The following LRBA variants were observed in gnomAD, a reference collection of about 807,000 sequenced individuals.
LRBA encodes lipopolysaccharide-responsive and beige-like anchor protein.
LRBA carries 176 observed loss-of-function variants against 330.0 expected under a neutral mutation model. The ratio of observed to expected loss-of-function variants is 0.53; its 90% confidence interval spans 0.47 to 0.60. LRBA has a LOEUF of 0.60. LRBA is among the 20% of genes least tolerant of loss of function. LRBA has a pLI of 0.00. For missense variants in LRBA, 3,259 were observed against 3,444.8 expected, an observed-to-expected ratio of 0.95 and a Z score of 1.35; for synonymous variants, 1,230 against 1,193.0, an observed-to-expected ratio of 1.03 and a Z score of -0.64.
intron 4 of LRBA, among the ~76,000 whole-genome samples, chr4:150,926,997 G>A (rs143948022): frequency 6.6e-6 from 1 of 151,798 alleles, no homozygotes; most frequent in Admixed American, 6.6e-5. Context: ...CTTGAACCCA[G>A]GAGGTGGAGG....
chr4:151,007,871 A>G (rs938968555), intron 2 of LRBA, among the ~76,000 whole-genome samples: 4 of 151,774 alleles, frequency 2.6e-5, no homozygotes, highest in Non-Finnish European at 4.4e-5. Flanking sequence ...AAAAAAAAAA[A>G]AAGAATGTAG....
At chr4:150,329,949 C>A (rs1733773951) in intron 48 of LRBA, among the ~76,000 whole-genome samples, 1 of 152,274 alleles carries the variant, frequency 6.6e-6, no homozygotes, top group Admixed American at 6.5e-5. Context: ...ATTATTATAA[C>A]AGTCTCTTTG....
intron 40 of LRBA, among the ~76,000 whole-genome samples, chr4:150,526,372 C>A (rs906189443): frequency 1.3e-5 from 2 of 152,154 alleles, no homozygotes; most frequent in Admixed American, 1.3e-4. Flanking sequence ...ACCTATGTTT[C>A]CTTGCATTCT....
chr4:150,954,758 T>G (rs1344672792), intron 2 of LRBA, among the ~76,000 whole-genome samples: 2 of 99,050 alleles, frequency 2.0e-5, no homozygotes. Flanking sequence ...CCAAGAATGA[T>G]CAATAAATAC....
intron 36 of LRBA, among the ~76,000 whole-genome samples, chr4:150,722,588 A>G (rs1459478673): frequency 6.6e-6 from 1 of 152,096 alleles, no homozygotes; most frequent in African/African-American, 2.4e-5. Flanking sequence ...CTCAGCCTCC[A>G]TAAGAGAGTG....
chr4:150,822,492 C>T (rs1745583908), intron 30 of LRBA, among the ~76,000 whole-genome samples: 1 of 152,172 alleles, frequency 6.6e-6, no homozygotes, highest in Admixed American at 6.5e-5. Context: ...ATAGACAGGG[C>T]ACAGTGGCTC....
intron 48 of LRBA, among the ~76,000 whole-genome samples, chr4:150,336,012 C>T (rs980797776): frequency 6.6e-6 from 1 of 152,164 alleles, no homozygotes; most frequent in African/African-American, 2.4e-5. Flanking sequence ...CTGTGCTTGG[C>T]CTTTATGAAG....
At chr4:150,825,904 G>T (rs559588635) in intron 30 of LRBA, among the ~76,000 whole-genome samples, 1 of 151,964 alleles carries the variant, frequency 6.6e-6, no homozygotes, top group African/African-American at 2.4e-5. Flanking sequence ...AATTAATCCC[G>T]CATAAGAACT....
At chr4:150,470,505 T>C (rs1403948065) in intron 43 of LRBA, among the ~76,000 whole-genome samples, 2 of 152,138 alleles carry the variant, frequency 1.3e-5, no homozygotes, top group African/African-American at 2.4e-5. Flanking sequence ...TTCCTCTCTA[T>C]GCAGATGAAA....
chr4:150,969,201 C>T (rs578067142), intron 2 of LRBA, among the ~76,000 whole-genome samples: 24 of 152,330 alleles, frequency 1.6e-4, no homozygotes, highest in African/African-American at 5.8e-4. Flanking sequence ...ATCCATTTTG[C>T]AGCCCATAGT....
At chr4:150,658,051 T>C (rs572059952) in intron 37 of LRBA, among the ~76,000 whole-genome samples, 74 of 152,228 alleles carry the variant, frequency 4.9e-4, no homozygotes, top group African/African-American at 1.8e-3. Flanking sequence ...TGTAACAATC[T>C]ATCACATGAA....
At chr4:150,938,222 TA>T (rs1290226893) in intron 2 of LRBA, among the ~76,000 whole-genome samples, 2 of 152,182 alleles carry the variant, frequency 1.3e-5, no homozygotes, top group Admixed American at 1.3e-4. Context: ...TATTTATTTA[TA>T]AAATTAACTA....
chr4:150,553,440 C>T (rs1288855190), intron 40 of LRBA, among the ~76,000 whole-genome samples: 1 of 151,792 alleles, frequency 6.6e-6, no homozygotes, highest in Non-Finnish European at 1.5e-5. Flanking sequence ...ATGTTGTGCA[C>T]ATGTACCCTA....
At chr4:150,558,194 C>T (rs917470218) in intron 40 of LRBA, among the ~76,000 whole-genome samples, 1 of 152,108 alleles carries the variant, frequency 6.6e-6, no homozygotes, top group Non-Finnish European at 1.5e-5. Context: ...CCACAGCGCC[C>T]GGCCCCATAT....
rs1248439608 is a variant in LRBA, at chr4:150,870,604, A to G, written c.2370T>C (p.Ile790=). The G allele has an allele frequency of 1.3e-6, 2 of 1,489,148 alleles. No homozygotes were observed. Among genetic ancestry groups the G allele is most frequent in the Non-Finnish European group, 1.9e-6 (2 of 1,068,246 alleles). The allele number at this position is 1,489,148 out of a possible 1,614,324, so 92.2% of individuals were successfully genotyped here. A position where few individuals can be genotyped will look rare whatever the true frequency, so the allele number is the denominator to read the frequency against. ...CCTGAGTACCAATCTGTTCTATAAG[A>G]ATCTACAGAAGTAAAACAATGGATT... ...TMTTYNVLFE[I]LIEQIGTQVI... The change falls in exon 20 of 57, where the codon ATT becomes ATC. Residue 790 remains isoleucine, a splice_region_variant and synonymous_variant. Coordinates refer to ENST00000651943, the MANE Select transcript of LRBA (RefSeq NM_001364905.1).
At chr4:150,375,876 G>T (rs1741236776) in intron 47 of LRBA, among the ~76,000 whole-genome samples, 1 of 151,692 alleles carries the variant, frequency 6.6e-6, no homozygotes, top group Admixed American at 6.6e-5. Context: ...TGGATTTTTG[G>T]GCTCTATGTG....
chr4:150,814,312 G>A (rs1486028206), intron 31 of LRBA, among the ~76,000 whole-genome samples: 1 of 151,992 alleles, frequency 6.6e-6, no homozygotes, highest in Non-Finnish European at 1.5e-5. Context: ...TAGTTTCCAT[G>A]TGAAAATGAG....
At chr4:150,864,863 T>A (rs1752478653) in intron 22 of LRBA, among the ~76,000 whole-genome samples, 1 of 152,082 alleles carries the variant, frequency 6.6e-6, no homozygotes, top group Admixed American at 6.6e-5. Context: ...GCCAGGCTGG[T>A]CCTGAACTCC....
At chr4:150,362,333 T>C (rs1167006816) in intron 47 of LRBA, among the ~76,000 whole-genome samples, 2 of 152,184 alleles carry the variant, frequency 1.3e-5, no homozygotes, top group Non-Finnish European at 2.9e-5. Flanking sequence ...TGGGACTACC[T>C]TTGGTTTCAT....
Sources: gnomAD v4.1 joint callset for allele counts (sites outside exome capture counted in the v4.1 genomes callset) on GRCh38, gnomAD v4.1.1 for gene constraint, MANE v1.5 for transcripts, NCBI Gene and HGNC (gene_info 2026-07-23, HGNC 2026-07-21) for gene names.